CDH13: variants seen among roughly 807,000 people sequenced by gnomAD.
CDH13 encodes cadherin-13.
CDH13 carries 24 observed loss-of-function variants against 63.8 expected under a neutral mutation model. The ratio of observed to expected loss-of-function variants is 0.38; its 90% confidence interval spans 0.27 to 0.53. The LOEUF (loss-of-function observed/expected upper bound fraction) is 0.53, where lower values mean the gene tolerates loss of function less well. CDH13 is among the 20% of genes least tolerant of loss of function. The pLI, the probability that CDH13 is intolerant of heterozygous loss-of-function variation, is 0.85. For synonymous variants in CDH13, 503 were observed against 355.3 expected, an observed-to-expected ratio of 1.42 and a Z score of -4.67; for missense variants, 1,049 against 903.1, an observed-to-expected ratio of 1.16 and a Z score of -2.07.
intron 2 of CDH13, among the ~76,000 whole-genome samples, chr16:82,866,447 G>A (rs2040148263): frequency 7.9e-6 from 1 of 126,924 alleles, no homozygotes; most frequent in Admixed American, 9.5e-5. Context: ...GGAGTGCAGT[G>A]GCACGATCTC....
chr16:83,441,801 A>G (rs530018515), intron 6 of CDH13, among the ~76,000 whole-genome samples: 74 of 152,218 alleles, frequency 4.9e-4, no homozygotes, highest in African/African-American at 1.7e-3. Context: ...TCAGCTCTGG[A>G]CCCTATACTC....
At chr16:83,106,805 G>C (rs994954626) in intron 3 of CDH13, among the ~76,000 whole-genome samples, 1 of 152,162 alleles carries the variant, frequency 6.6e-6, no homozygotes, top group Non-Finnish European at 1.5e-5. Flanking sequence ...TATTCTGTTT[G>C]TCTGATACAG....
intron 3 of CDH13, among the ~76,000 whole-genome samples, chr16:83,116,610 C>T (rs1387003548): frequency 6.6e-6 from 1 of 152,206 alleles, no homozygotes; most frequent in Non-Finnish European, 1.5e-5. Context: ...CATATACAGC[C>T]AGTGGCTGTG....
chr16:83,215,184 C>T (rs886934526), intron 4 of CDH13, among the ~76,000 whole-genome samples: 4 of 136,458 alleles, frequency 2.9e-5, no homozygotes, highest in African/African-American at 1.1e-4. Flanking sequence ...TCAAGCGATT[C>T]TGCTGCCTCA....
At chr16:83,564,935 TTTTG>T (rs758226532) in intron 7 of CDH13, among the ~76,000 whole-genome samples, 38 of 152,230 alleles carry the variant, frequency 2.5e-4, no homozygotes, top group African/African-American at 5.3e-4. Flanking sequence ...GTTGTTGTTG[TTTTG>T]TTTGTTTGTT....
intron 2 of CDH13, among the ~76,000 whole-genome samples, chr16:82,969,089 A>G (rs930896635): frequency 6.6e-6 from 1 of 152,246 alleles, no homozygotes; most frequent in African/African-American, 2.4e-5. Flanking sequence ...CCTGGGCAAC[A>G]GAATGAGACT....
At chr16:83,415,725 C>G (rs891060228) in intron 6 of CDH13, among the ~76,000 whole-genome samples, 2 of 152,048 alleles carry the variant, frequency 1.3e-5, no homozygotes, top group African/African-American at 4.8e-5. Flanking sequence ...TAAAAACTCT[C>G]AAAACTAGGA....
chr16:82,833,067 A>T (rs1300103379), intron 1 of CDH13, among the ~76,000 whole-genome samples: 1 of 152,216 alleles, frequency 6.6e-6, no homozygotes, highest in Non-Finnish European at 1.5e-5. Context: ...GAAATGAGTC[A>T]GTGTGTTATG....
At chr16:82,798,840 G>A (rs2036712460) in intron 1 of CDH13, among the ~76,000 whole-genome samples, 1 of 152,146 alleles carries the variant, frequency 6.6e-6, no homozygotes, top group Non-Finnish European at 1.5e-5. Flanking sequence ...TGGGTTCTGT[G>A]TTGAGTGCTT....
At chr16:83,563,790 T>C (rs1191379984) in intron 7 of CDH13, among the ~76,000 whole-genome samples, 1 of 152,108 alleles carries the variant, frequency 6.6e-6, no homozygotes, top group Non-Finnish European at 1.5e-5. Flanking sequence ...TTTTCTGCCT[T>C]TCCTCTGCTC....
chr16:82,886,208 G>C (rs1246449619), intron 2 of CDH13, among the ~76,000 whole-genome samples: 1 of 152,096 alleles, frequency 6.6e-6, no homozygotes, highest in Non-Finnish European at 1.5e-5. Context: ...TCAAATTTCT[G>C]TTGTTATTAA....
chr16:83,265,283 C>A (rs1907473110), intron 5 of CDH13, among the ~76,000 whole-genome samples: 1 of 152,180 alleles, frequency 6.6e-6, no homozygotes, highest in Admixed American at 6.5e-5. Context: ...TCTCCTCTTT[C>A]CCAAATCCTT....
At chr16:83,668,614 A>G (rs1307417342) in intron 8 of CDH13, among the ~76,000 whole-genome samples, 1 of 152,200 alleles carries the variant, frequency 6.6e-6, no homozygotes, top group East Asian at 1.9e-4. Context: ...TTGGCTCTGG[A>G]CCGCAGCAAG....
At position 83,487,293 on chromosome 16, in the gene CDH13, A is replaced by C. The variant is rs570810888; in HGVS notation, c.960+638A>C. Among the ~76,000 whole-genome samples, 122 of 152,292 alleles carry C rather than the reference A, an allele frequency of 8.0e-4. 2 individuals are homozygous for C. Among genetic ancestry groups the C allele is most frequent in the Admixed American group, 7.5e-3 (115 of 15,294 alleles). On this transcript the variant is annotated intron_variant, in intron 7 of 13. Transcript: ENST00000567109. ...CTTTTAGAATTAGTTGTCATATCAA[A>C]ATATTTAGATTTCACGTTTCTGTTT...
chr16:82,709,345 A>G (rs1331153463), intron 1 of CDH13, among the ~76,000 whole-genome samples: 1 of 152,216 alleles, frequency 6.6e-6, no homozygotes, highest in East Asian at 1.9e-4. Flanking sequence ...AATAATTTTT[A>G]AGAAATTCTT....
Position 83,007,415 on chromosome 16 carries a change from G to A in CDH13, c.158-24595G>A, listed in dbSNP as rs570757994. On this transcript the variant is annotated intron_variant, in intron 2 of 13. Transcript: ENST00000567109. ...CAAAATGGCAGTTAGCTTCTCCAAG[G>A]TTATATAACTCTTCAGGTTTTATCC... is the stretch of plus-strand genomic sequence containing the variant. 4.2e-4 allele frequency among the ~76,000 whole-genome samples: 64 copies of A among 152,276 alleles called. No homozygotes were observed. In the Middle Eastern group the frequency reaches 0.01, roughly 24 times the overall value.
intron 2 of CDH13, among the ~76,000 whole-genome samples, chr16:82,952,215 G>C (rs138113352): frequency 6.6e-6 from 1 of 152,162 alleles, no homozygotes; most frequent in African/African-American, 2.4e-5. Flanking sequence ...CCCGAGAAGC[G>C]CATGGGCCTG....
chr16:83,105,116 A>T (rs545711332), intron 3 of CDH13, among the ~76,000 whole-genome samples: 1 of 152,122 alleles, frequency 6.6e-6, no homozygotes, highest in African/African-American at 2.4e-5. Flanking sequence ...CATCACCTAG[A>T]TATGAAGCCC....
intron 13 of CDH13, among the ~76,000 whole-genome samples, chr16:83,784,276 G>T (rs552720324): frequency 6.6e-6 from 1 of 152,158 alleles, no homozygotes. Flanking sequence ...AAATCACATA[G>T]TACAACATTG....
Sources: allele counts gnomAD v4.1 joint callset (sites outside exome capture counted in the v4.1 genomes callset), GRCh38; gene constraint gnomAD v4.1.1; transcripts MANE v1.5; gene names NCBI Gene and HGNC (gene_info 2026-07-23, HGNC 2026-07-21).